C1orf141: variants seen among roughly 807,000 people sequenced by gnomAD.
C1orf141 encodes the protein chromosome 1 open reading frame 141, also known as uncharacterized protein C1orf141.
Under a neutral mutation model 23.2 loss-of-function variants are expected in C1orf141, and 19 were observed. The ratio of observed to expected loss-of-function variants is 0.82; its 90% CI spans 0.57 to 1.20. C1orf141 has a LOEUF of 1.20. C1orf141 is among the 50% of genes most tolerant of loss of function. The probability of loss-of-function intolerance (pLI) is 0.00; values close to 1 mark genes in which losing one functional copy is unlikely to be tolerated. For missense variants in C1orf141, 469 were observed against 455.1 expected (o/e 1.03, Z -0.28); for synonymous variants, 153 against 154.6 (o/e 0.99, Z 0.08).
chr1:67,118,204 G>T (rs1222077137), intron 4 of C1orf141, among the ~76,000 whole-genome samples: 1 of 152,072 alleles, frequency 6.6e-6, no homozygotes, highest in East Asian at 1.9e-4. Context: ...GAGTAAAAAG[G>T]AGCAATACAT....
chr1:67,117,668 T>C (rs1041158020), intron 4 of C1orf141, among the ~76,000 whole-genome samples: 2 of 152,222 alleles, frequency 1.3e-5, no homozygotes, highest in African/African-American at 4.8e-5. Flanking sequence ...TGTTTCTAAC[T>C]TGAATGAGAA....
Position 67,093,103 on chromosome 1 carries a change from A to G in C1orf141, c.1105T>C (p.Cys369Arg). 1 of 1,613,706 alleles carries G rather than the reference A, an allele frequency of 6.2e-7. No individual in the cohort carries two copies. The highest frequency in any genetic ancestry group is 1.3e-5 in the African/African-American group (1 of 75,044). ...IPTSSALPVK[C>R]YSKPFKYIYE... is the part of the protein sequence containing the mutation. ...ATATATTTAAAAGGCTTTGAGTAAC[A>G]TTTGACAGGTAAGGCACTGGATGTG... The change falls in exon 8 of 8, where the codon TGT becomes CGT. Residue 369 changes from cysteine to arginine, a missense_variant. Transcript: ENST00000684719.
At chr1:67,097,555 G>C (rs1318552952) in intron 5 of C1orf141, among the ~76,000 whole-genome samples, 1 of 152,222 alleles carries the variant, frequency 6.6e-6, no homozygotes, top group Non-Finnish European at 1.5e-5. Context: ...GCAGGGCAAA[G>C]TCATCTAGGG....
chr1:67,131,930 G>GC (rs1646523183), intron 1 of C1orf141, among the ~76,000 whole-genome samples: 1 of 149,926 alleles, frequency 6.7e-6, no homozygotes, highest in Non-Finnish European at 1.5e-5. Context: ...GATTACAGGT[G>GC]CCCGCCACCA....
Position 67,127,215 on chromosome 1 carries a change from A to C in C1orf141, c.26T>G (p.Leu9Trp). 1.2e-6 allele frequency: 2 copies of C among 1,609,022 alleles called. No individual in the cohort carries two copies. Among genetic ancestry groups the C allele is most frequent in the Non-Finnish European group, 1.7e-6 (2 of 1,178,080 alleles). MAEKILEKLDVLDKQAEII... is the reference protein window; with the variant it reads MAEKILEKWDVLDKQAEII... ...CTCTGCTTGCTTATCAAGGACATCCAACTTCTCTAGGATTTTTTCTGCCAT... is the reference window on the plus strand; with the variant it reads ...CTCTGCTTGCTTATCAAGGACATCCCACTTCTCTAGGATTTTTTCTGCCAT... The change falls in exon 3 of 8, where the codon TTG (leucine) becomes TGG (tryptophan). Residue 9 changes from leucine (L) to tryptophan (W), a missense_variant. Physicochemically the swap from Leu to Trp is moderately conservative, Grantham distance 61. Around this residue, in one of 3 missense-constraint regions of C1orf141, gnomAD observed 95 missense variants for 90.3 expected, o/e 1.05. Transcript: ENST00000684719.
At chr1:67,134,817 T>G (rs567208390) in intron 1 of C1orf141, 113 bp downstream of exon 1, 33 of 152,538 alleles carry the variant, frequency 2.2e-4, no homozygotes, top group African/African-American at 7.9e-4. Flanking sequence ...TCCCACCGAC[T>G]CCGGGGACAG....
At chr1:67,120,672 C>G (rs1646280829) in intron 4 of C1orf141, among the ~76,000 whole-genome samples, 2 of 152,090 alleles carry the variant, frequency 1.3e-5, no homozygotes, top group Admixed American at 1.3e-4. Context: ...AAGAAGAAGA[C>G]AGCTGTCTGC....
chr1:67,103,092 T>A, intron 5 of C1orf141: 1 of 468,426 alleles, frequency 2.1e-6, no homozygotes, highest in Non-Finnish European at 3.8e-6. Context: ...GGTTTAAGAG[T>A]AAGAAAAGAA....
At chr1:67,107,822 G>A (rs1037819020) in intron 5 of C1orf141, among the ~76,000 whole-genome samples, 2 of 152,156 alleles carry the variant, frequency 1.3e-5, no homozygotes, top group Non-Finnish European at 2.9e-5. Flanking sequence ...CCCAGGAGGT[G>A]GAGGTTGCAG....
chr1:67,134,825 CAGAA>C (rs1646570565), intron 1 of C1orf141, 101 bp downstream of exon 1: 1 of 152,472 alleles, frequency 6.6e-6, no homozygotes, highest in Admixed American at 6.5e-5. Flanking sequence ...ACTCCGGGGA[CAGAA>C]AGGCCGTTTA....
intron 4 of C1orf141, among the ~76,000 whole-genome samples, chr1:67,116,810 A>G (rs61782292): frequency 1.3e-5 from 2 of 152,080 alleles, no homozygotes; most frequent in African/African-American, 4.8e-5. Context: ...CAAGGGGTTG[A>G]CGTGGCCTAC....
intron 1 of C1orf141, 24 bp downstream of exon 1, chr1:67,134,906 A>G (rs1383143072): frequency 6.6e-6 from 1 of 151,954 alleles, no homozygotes; most frequent in South Asian, 2.1e-4. Context: ...AACTCTTCCA[A>G]CCCTTCCGCA....
intron 4 of C1orf141, among the ~76,000 whole-genome samples, chr1:67,119,474 T>C (rs1646259214): frequency 6.6e-6 from 1 of 152,158 alleles, no homozygotes; most frequent in Admixed American, 6.5e-5. Context: ...AAGAAATGAA[T>C]TGAAGATGAA....
chr1:67,138,454 A>G (rs973559804), upstream of C1orf141, among the ~76,000 whole-genome samples: 13 of 152,170 alleles, frequency 8.5e-5, no homozygotes, highest in African/African-American at 3.1e-4. Flanking sequence ...CTTGGCTTCA[A>G]TTACACAACT....
chr1:67,115,333 A>T lies in C1orf141; in HGVS notation c.346+19T>A, dbSNP rs1646171911. On this transcript the variant is annotated intron_variant, in intron 5 of 7. Transcript: ENST00000684719. ...CCATTAATAAATCAAAGAAGTAAAT[A>T]TGTTACACAAAGCATTACCTGTTGA... The T allele has an allele frequency of 5.7e-6, 5 of 873,388 alleles. No individual in the cohort carries two copies. The East Asian group carries it at 1.3e-4, about 22-fold the overall frequency. The allele number at this position is 873,388 out of a possible 1,614,324, so 54.1% of individuals were successfully genotyped here. A position where few individuals can be genotyped will look rare whatever the true frequency, so the allele number is the denominator to read the frequency against.
chr1:67,114,579 T>A (rs1449628274), intron 5 of C1orf141, among the ~76,000 whole-genome samples: 3 of 152,192 alleles, frequency 2.0e-5, no homozygotes, highest in Non-Finnish European at 4.4e-5. Flanking sequence ...ATTGAATGAT[T>A]GTTTGATAAT....
At chr1:67,134,507 T>A (rs1225894355) in intron 1 of C1orf141, among the ~76,000 whole-genome samples, 1 of 152,190 alleles carries the variant, frequency 6.6e-6, no homozygotes, top group Non-Finnish European at 1.5e-5. Flanking sequence ...TGGAAATGTA[T>A]CAATTAAGCG....
At chr1:67,105,089 G>A (rs1378241577) in intron 5 of C1orf141, among the ~76,000 whole-genome samples, 2 of 151,970 alleles carry the variant, frequency 1.3e-5, no homozygotes, top group Non-Finnish European at 2.9e-5. Context: ...CACTTTGGGA[G>A]GCCGAGGCGG....
intron 5 of C1orf141, among the ~76,000 whole-genome samples, chr1:67,105,153 C>T (rs1410188666): frequency 6.6e-6 from 1 of 151,536 alleles, no homozygotes; most frequent in African/African-American, 2.4e-5. Context: ...GTGGTGAAAC[C>T]CCGTCTCTAC....
Sources: gnomAD v4.1 joint callset for allele counts (sites outside exome capture counted in the v4.1 genomes callset) on GRCh38, gnomAD v4.1.1 for gene constraint, gnomAD v4.1.1 regional missense constraint, MANE v1.5 for transcripts, NCBI Gene and HGNC (gene_info 2026-07-23, HGNC 2026-07-21) for gene names.